DLGAP2: variants seen among roughly 807,000 people sequenced by gnomAD.
DLGAP2 encodes the protein disks large-associated protein 2.
A neutral mutation model predicts 100.3 loss-of-function variants in DLGAP2; 26 were observed. That is an observed-to-expected ratio of 0.26 (90% confidence interval 0.19 to 0.36). The LOEUF is 0.36. DLGAP2 is among the 10% of genes least tolerant of loss of function. The pLI, the probability that DLGAP2 is intolerant of heterozygous loss-of-function variation, is 1.00. For missense variants in DLGAP2, 1,858 were observed against 1,453.2 expected (o/e 1.28, Z -4.53); for synonymous variants, 886 against 630.1 (o/e 1.41, Z -6.08).
intron 2 of DLGAP2, among the ~76,000 whole-genome samples, chr8:1,102,307 A>T (rs1804611377): frequency 6.8e-6 from 1 of 147,478 alleles, no homozygotes; most frequent in African/African-American, 2.5e-5. Flanking sequence ...TGTAATATAT[A>T]ATTACATAAT....
At chr8:920,802 AT>A (rs1798697944) in intron 2 of DLGAP2, among the ~76,000 whole-genome samples, 1 of 152,230 alleles carries the variant, frequency 6.6e-6, no homozygotes, top group South Asian at 2.1e-4. Flanking sequence ...ATAAAAAAAA[AT>A]AAATAAAAAT....
chr8:1,533,882 G>T (rs1801068648), intron 4 of DLGAP2, among the ~76,000 whole-genome samples: 1 of 152,176 alleles, frequency 6.6e-6, no homozygotes, highest in Non-Finnish European at 1.5e-5. Flanking sequence ...GCTTGAGCGG[G>T]AGTTTGAGGC....
intron 3 of DLGAP2, among the ~76,000 whole-genome samples, chr8:1,484,828 C>T (rs1799197333): frequency 6.6e-6 from 1 of 152,198 alleles, no homozygotes; most frequent in African/African-American, 2.4e-5. Context: ...CACCCTGAGT[C>T]ATCGGCTGTA....
chr8:1,306,205 C>G (rs190332595), intron 3 of DLGAP2, among the ~76,000 whole-genome samples: 1 of 151,914 alleles, frequency 6.6e-6, no homozygotes, highest in African/African-American at 2.4e-5. Context: ...CCCACCCACA[C>G]ACACCTACAC....
intron 3 of DLGAP2, among the ~76,000 whole-genome samples, chr8:1,482,802 T>G (rs1410425885): frequency 6.6e-6 from 1 of 152,174 alleles, no homozygotes; most frequent in African/African-American, 2.4e-5. Flanking sequence ...GATGTGGGGA[T>G]GGGCGTGGGA....
At chr8:1,457,886 A>T (rs776914701) in intron 3 of DLGAP2, among the ~76,000 whole-genome samples, 1 of 150,220 alleles carries the variant, frequency 6.7e-6, no homozygotes, top group African/African-American at 2.4e-5. Flanking sequence ...AAGGGCATGC[A>T]CATTTCTGCA....
At chr8:1,621,833 G>C (rs565257970) in intron 6 of DLGAP2, 1 of 152,390 alleles carries the variant, frequency 6.6e-6, no homozygotes, top group East Asian at 1.9e-4. Context: ...CAAGAGCCCA[G>C]AGATGGGTTG....
chr8:1,210,031 T>A (rs918237279), intron 2 of DLGAP2, among the ~76,000 whole-genome samples: 1 of 152,070 alleles, frequency 6.6e-6, no homozygotes, highest in Non-Finnish European at 1.5e-5. Flanking sequence ...TGCTCAGTCA[T>A]CCACCTCGCC....
chr8:1,174,641 T>G (rs1797213802), intron 2 of DLGAP2, among the ~76,000 whole-genome samples: 1 of 151,636 alleles, frequency 6.6e-6, no homozygotes, highest in Non-Finnish European at 1.5e-5. Flanking sequence ...ACCATCATCA[T>G]CGTCGTCTTT....
intron 2 of DLGAP2, among the ~76,000 whole-genome samples, chr8:1,173,450 G>T (rs969100445): frequency 1.3e-5 from 2 of 152,206 alleles, no homozygotes; most frequent in Non-Finnish European, 2.9e-5. Context: ...AGAGGCTACT[G>T]CTGTCTTTTT....
intron 1 of DLGAP2, among the ~76,000 whole-genome samples, chr8:896,386 C>T (rs533342683): frequency 7.1e-6 from 1 of 140,896 alleles, no homozygotes; most frequent in Non-Finnish European, 1.5e-5. Context: ...ACCTGGCACC[C>T]TGAGCTGCCG....
chr8:1,283,478 C>T (rs1799862058), intron 3 of DLGAP2, among the ~76,000 whole-genome samples: 1 of 152,220 alleles, frequency 6.6e-6, no homozygotes, highest in South Asian at 2.1e-4. Flanking sequence ...AATGTATCAT[C>T]CTTTGCTCTG....
At chr8:1,316,701 A>G (rs1800759927) in intron 3 of DLGAP2, among the ~76,000 whole-genome samples, 1 of 140,540 alleles carries the variant, frequency 7.1e-6, no homozygotes, top group Non-Finnish European at 1.5e-5. Context: ...GCGTGAGTGC[A>G]GTGTCTATCC....
intron 2 of DLGAP2, among the ~76,000 whole-genome samples, chr8:1,241,830 A>G (rs1006041746): frequency 6.6e-6 from 1 of 152,142 alleles, no homozygotes; most frequent in African/African-American, 2.4e-5. Context: ...CTTAAATCTT[A>G]TGAGTTAATT....
chr8:861,824 G>T (rs1414188854), intron 1 of DLGAP2, among the ~76,000 whole-genome samples: 1 of 152,222 alleles, frequency 6.6e-6, no homozygotes, highest in African/African-American at 2.4e-5. Context: ...TTGCTGGTGG[G>T]TGTTCTGCTG....
intron 2 of DLGAP2, among the ~76,000 whole-genome samples, chr8:1,144,786 TCAAACCACAGACGGCCTGTATGCACAAC>T (rs1419710443): frequency 6.6e-5 from 10 of 151,964 alleles, no homozygotes; most frequent in Admixed American, 2.6e-4. Flanking sequence ...GTACCCACAG[TCAAACCACAGACGGCCTGTATGCACAAC>T]CAAACCGCAG....
intron 3 of DLGAP2, among the ~76,000 whole-genome samples, chr8:1,487,031 C>T (rs1799251373): frequency 6.6e-6 from 1 of 152,190 alleles, no homozygotes; most frequent in Non-Finnish European, 1.5e-5. Flanking sequence ...GTCAGGAGCT[C>T]TGTAACCTGT....
At chr8:841,633 A>G (rs2132717191) in intron 1 of DLGAP2, among the ~76,000 whole-genome samples, 1 of 152,070 alleles carries the variant, frequency 6.6e-6, no homozygotes, top group South Asian at 2.1e-4. Flanking sequence ...TGCAGTGGCC[A>G]TTCACAGGTG....
intron 1 of DLGAP2, among the ~76,000 whole-genome samples, chr8:889,613 G>T (rs988789287): frequency 6.6e-6 from 1 of 152,224 alleles, no homozygotes; most frequent in Non-Finnish European, 1.5e-5. Context: ...CAAGTCTTGG[G>T]ACCAAGCCAT....
Sources: gnomAD v4.1 joint callset for allele counts (sites outside exome capture counted in the v4.1 genomes callset) on GRCh38, gnomAD v4.1.1 for gene constraint, MANE v1.5 for transcripts, NCBI Gene and HGNC (gene_info 2026-07-23, HGNC 2026-07-21) for gene names.